KIAA0753: variants seen among roughly 807,000 people sequenced by gnomAD.
KIAA0753 encodes KIAA0753.
In KIAA0753, 114 loss-of-function variants were observed where a neutral mutation model predicts 116.9. The observed-to-expected ratio is 0.98, with a 90% CI of 0.84 to 1.14. The LOEUF is 1.14. KIAA0753 is among the 50% of genes most tolerant of loss of function. KIAA0753 has a pLI of 0.00. For synonymous variants in KIAA0753, 405 were observed against 413.1 expected (o/e 0.98, Z 0.24); for missense variants, 1,156 against 1,172.4 (o/e 0.99, Z 0.20).
chr17:6,616,391 A>C (rs745058), intron 7 of KIAA0753, among the ~76,000 whole-genome samples: 46,526 of 151,394 alleles, frequency 0.31, 8,009 homozygotes, highest in Admixed American at 0.39. Context: ...GCCTTTTCTT[A>C]ATAACTTGGT....
chr17:6,616,758 G>A (rs765480944), intron 7 of KIAA0753, among the ~76,000 whole-genome samples: 7 of 152,176 alleles, frequency 4.6e-5, no homozygotes, highest in Non-Finnish European at 7.4e-5. Flanking sequence ...CTCAGGAGGC[G>A]GGGGTTGCAG....
rs756290356 is a variant in KIAA0753, at chr17:6,606,891, T to C, written c.1991A>G (p.Tyr664Cys). The C allele has an allele frequency of 1.2e-6, 2 of 1,613,824 alleles. No homozygotes were observed. Among genetic ancestry groups the C allele is most frequent in the Non-Finnish European group, 1.7e-6 (2 of 1,179,694 alleles). The change falls in exon 12 of 19, where the codon TAT becomes TGT. Residue 664 changes from tyrosine (Y) to cysteine (C), a missense_variant. Coordinates refer to ENST00000361413, the MANE Select transcript of KIAA0753 (RefSeq NM_014804.3). ...ELNELKAEEM[Y>C]RLQQLSVSAT... Reference sequence around the variant, plus strand: ...CACATACCTCAATTGTTGGAGTCTATACATTTCTTCAGCTTTGAGCTCATT... The same window carrying C: ...CACATACCTCAATTGTTGGAGTCTACACATTTCTTCAGCTTTGAGCTCATT...
At chr17:6,607,064 C>A in intron 11 of KIAA0753, 102 bp from the exon 12 acceptor site, 1 of 1,404,304 alleles carries the variant, frequency 7.1e-7, no homozygotes, top group Non-Finnish European at 1.0e-6. Context: ...TAAGTGACTT[C>A]AGTCTTTTAA....
intron 16 of KIAA0753, among the ~76,000 whole-genome samples, chr17:6,590,993 GA>G (rs1597468896): frequency 1.1e-5 from 1 of 90,758 alleles, no homozygotes; most frequent in Non-Finnish European, 2.3e-5. Flanking sequence ...GAAGAAGAAA[GA>G]AGAAGGAAGA....
chr17:6,622,836 A>T, intron 6 of KIAA0753, 46 bp downstream of exon 6: 1 of 1,505,496 alleles, frequency 6.6e-7, no homozygotes, highest in Non-Finnish European at 9.2e-7. Context: ...AATAGTAAGC[A>T]TTACTTCCAA....
At position 6,628,129 on chromosome 17, in the gene KIAA0753, C is replaced by T. The variant is rs754691060; in HGVS notation, c.706G>A (p.Val236Ile). Residue 236 changes from valine (V) to isoleucine (I), a missense_variant, in exon 3 of 19, where the codon GTA (valine) becomes ATA (isoleucine). Coordinates refer to ENST00000361413, the MANE Select transcript of KIAA0753 (RefSeq NM_014804.3). ...LSSCIHKIEE[V>I]TKKDRLEEAL... ...TAATTTTTCTCACCTTTTTTAGTTACCTCTTCAATTTTGTGGATACAACTG... is the reference window on the plus strand; with the variant it reads ...TAATTTTTCTCACCTTTTTTAGTTATCTCTTCAATTTTGTGGATACAACTG... The T allele has an allele frequency of 1.2e-6, 2 of 1,605,280 alleles. No individual in the cohort carries two copies. The highest frequency in any genetic ancestry group is 1.7e-4 in the Middle Eastern group (1 of 5,996).
Position 6,612,008 on chromosome 17 carries a change from C to A in KIAA0753, c.1456G>T (p.Val486Leu), listed in dbSNP as rs376555002. 1.2e-6 allele frequency: 2 copies of A among 1,614,090 alleles called. No homozygotes were observed. Among genetic ancestry groups the A allele is most frequent in the Admixed American group, 3.3e-5 (2 of 60,002 alleles). Residue 486 changes from valine to leucine, a missense_variant, in exon 8 of 19, where the codon GTG (valine) becomes TTG (leucine). Transcript: ENST00000361413. Reference protein sequence around the residue: ...SASFKDEVLAVAKTKAGKKKP... With the variant: ...SASFKDEVLALAKTKAGKKKP... ...TTTTTCCCTGCTTTTGTTTTTGCCA[C>A]GGCTAACACCTCGTCTTTGAAGCTT...
In KIAA0753 at chr17:6,596,246, A is replaced by T; in HGVS notation, c.2270T>A (p.Ile757Asn). Residue 757 changes from isoleucine (I) to asparagine (N), a missense_variant, in exon 15 of 19, where the codon ATC becomes AAC. Physicochemically the swap from Ile to Asn is moderately radical, Grantham distance 149. Transcript: ENST00000361413. ...SELWAVTHAK[I>N]LGSETLATVE... Reference sequence around the variant, plus strand: ...GGTGGCTAAGGTTTCAGACCCCAAGATCTTAGCATGAGTCACAGCCCAGAG... The same window carrying T: ...GGTGGCTAAGGTTTCAGACCCCAAGTTCTTAGCATGAGTCACAGCCCAGAG... The T allele has an allele frequency of 6.2e-7, 1 of 1,613,818 alleles. No individual in the cohort carries two copies. Among genetic ancestry groups the T allele is most frequent in the Non-Finnish European group, 8.5e-7 (1 of 1,179,854 alleles).
At chr17:6,601,885 G>A (rs1009071885) in intron 12 of KIAA0753, among the ~76,000 whole-genome samples, 2 of 152,134 alleles carry the variant, frequency 1.3e-5, no homozygotes, top group Admixed American at 6.5e-5. Flanking sequence ...ATAGTATTGC[G>A]AGAAAATATC....
Position 6,589,858 on chromosome 17 carries a change from A to G in KIAA0753, c.2707T>C (p.Cys903Arg). Residue 903 changes from cysteine (C) to arginine (R), a missense_variant, in exon 18 of 19, where the codon TGT becomes CGT. Coordinates refer to ENST00000361413, the MANE Select transcript of KIAA0753 (RefSeq NM_014804.3). ...PGMQHSIGDY[C>R]SRFEQYLRII... is the part of the protein sequence containing the mutation. ...CGAAGGTACTGCTCAAAACGACTAC[A>G]GTAGTCACCGATGCTGTGCTGCATA... 6.2e-7 allele frequency: 1 copy of G among 1,614,108 alleles called. No homozygotes were observed. The highest frequency in any genetic ancestry group is 8.5e-7 in the Non-Finnish European group (1 of 1,179,966).
At chr17:6,581,148 G>C (rs1268092710) in intron 18 of KIAA0753, among the ~76,000 whole-genome samples, 1 of 152,048 alleles carries the variant, frequency 6.6e-6, no homozygotes, top group Non-Finnish European at 1.5e-5. Context: ...GCTAGTCCAA[G>C]GTTCCAGTCT....
intron 14 of KIAA0753, among the ~76,000 whole-genome samples, chr17:6,599,018 T>C (rs561591327): frequency 5.9e-5 from 9 of 152,358 alleles, no homozygotes; most frequent in African/African-American, 1.7e-4. Flanking sequence ...AACAAAAACC[T>C]GTGGCTGTAA....
In KIAA0753 at chr17:6,600,419, T is replaced by C; in HGVS notation, c.2049A>G (p.Ala683=). The C allele has an allele frequency of 6.2e-7, 1 of 1,613,990 alleles. No individual in the cohort carries two copies. Among genetic ancestry groups the C allele is most frequent in the Non-Finnish European group, 8.5e-7 (1 of 1,179,866 alleles). Residue 683 remains alanine (A), a synonymous_variant, in exon 13 of 19, where the codon GCA becomes GCG. Transcript: ENST00000361413. ...AGAGAGGCTTCAAACGATCCAGAACTGCCTCCTCTACCTTGTCTGCTAAGT... is the reference window on the plus strand; with the variant it reads ...AGAGAGGCTTCAAACGATCCAGAACCGCCTCCTCTACCTTGTCTGCTAAGT... ...ATHLADKVEE[A]VLDRLKPLLV...
chr17:6,626,534 G>C (rs1001065878), intron 3 of KIAA0753, among the ~76,000 whole-genome samples: 2 of 152,090 alleles, frequency 1.3e-5, no homozygotes, highest in African/African-American at 4.8e-5. Flanking sequence ...GGGCTTAGGT[G>C]GGGGGTTTGA....
rs767926293 is a variant in KIAA0753, at chr17:6,606,879, T to G, written c.2003A>C (p.Gln668Pro). The G allele has an allele frequency of 6.2e-7, 1 of 1,613,128 alleles. No individual in the cohort carries two copies. Among genetic ancestry groups the G allele is most frequent in the Non-Finnish European group, 8.5e-7 (1 of 1,179,072 alleles). Residue 668 changes from glutamine to proline, a missense_variant, in exon 12 of 19, where the codon CAA (glutamine) becomes CCA (proline). Coordinates refer to ENST00000361413, the MANE Select transcript of KIAA0753 (RefSeq NM_014804.3). ...LKAEEMYRLQ[Q>P]LSVSATHLAD... ...CTAAGAAGCAAACACATACCTCAATTGTTGGAGTCTATACATTTCTTCAGC... is the reference window on the plus strand; with the variant it reads ...CTAAGAAGCAAACACATACCTCAATGGTTGGAGTCTATACATTTCTTCAGC...
At chr17:6,615,684 T>A (rs1970876778) in intron 7 of KIAA0753, among the ~76,000 whole-genome samples, 1 of 146,484 alleles carries the variant, frequency 6.8e-6, no homozygotes, top group African/African-American at 2.5e-5. Flanking sequence ...CCCAAGCTTA[T>A]ATACATCAAA....
At chr17:6,611,259 T>G (rs918248159) in intron 8 of KIAA0753, among the ~76,000 whole-genome samples, 1 of 152,206 alleles carries the variant, frequency 6.6e-6, no homozygotes, top group East Asian at 1.9e-4. Flanking sequence ...CCTTTTAATA[T>G]GCAGTAATTA....
chr17:6,605,017 G>A (rs762240702), intron 12 of KIAA0753, among the ~76,000 whole-genome samples: 14 of 150,028 alleles, frequency 9.3e-5, no homozygotes, highest in Non-Finnish European at 1.3e-4. Context: ...GGAGGCCAAG[G>A]CAGAAGGATC....
At chr17:6,609,595 T>C (rs1054191217) in intron 9 of KIAA0753, among the ~76,000 whole-genome samples, 1 of 152,250 alleles carries the variant, frequency 6.6e-6, no homozygotes, top group Non-Finnish European at 1.5e-5. Context: ...ATTTATTTAC[T>C]CAGCAAAGAT....
Sources: gnomAD v4.1 joint callset for allele counts (sites outside exome capture counted in the v4.1 genomes callset) on GRCh38, gnomAD v4.1.1 for gene constraint, MANE v1.5 for transcripts, NCBI Gene and HGNC (gene_info 2026-07-23, HGNC 2026-07-21) for gene names.